The following MS4A13 variants were observed in gnomAD, a reference collection of about 807,000 sequenced individuals.
MS4A13 encodes membrane spanning 4-domains A13, also known as membrane-spanning 4-domains subfamily A member 13.
In MS4A13, 21 loss-of-function variants were observed where a neutral mutation model predicts 18.4. The ratio of observed to expected loss-of-function variants is 1.14; its 90% confidence interval spans 0.81 to 1.64. The LOEUF (loss-of-function observed/expected upper bound fraction) is 1.64. MS4A13 is among the 40% of genes most tolerant of loss of function. MS4A13 has a pLI of 0.00. For synonymous variants in MS4A13, 62 were observed against 57.2 expected, an observed-to-expected ratio of 1.08 and a Z score of -0.38; for missense variants, 173 against 176.8, an observed-to-expected ratio of 0.98 and a Z score of 0.12.
chr11:60,515,441 A>C lies in MS4A13; in HGVS notation c.-295A>C, dbSNP rs1436801177. 1 of 152,328 alleles carries C rather than the reference A, an allele frequency of 6.6e-6. No individual in the cohort carries two copies. The highest frequency in any genetic ancestry group is 2.1e-4 in the South Asian group (1 of 4,836). The allele number at this position is 152,328 out of a possible 1,614,324, so 9.4% of individuals were successfully genotyped here. ...CCGGCCGGGTGCTGGGCTCCTGGCT[A>C]TCCCTGTGATGGTAGCTCAGCGAGA... On this transcript the variant is annotated 5_prime_UTR_variant, in exon 1 of 7. Transcript: ENST00000378186.
chr11:60,522,265 CAT>C (rs1216678441), intron 3 of MS4A13, among the ~76,000 whole-genome samples: 3 of 62,350 alleles, frequency 4.8e-5, no homozygotes, highest in East Asian at 5.5e-4. Context: ...TATATACACA[CAT>C]ATATATGTAT....
At chr11:60,519,470 A>G (rs2086659412) in intron 3 of MS4A13, among the ~76,000 whole-genome samples, 2 of 151,742 alleles carry the variant, frequency 1.3e-5, no homozygotes, top group Admixed American at 1.3e-4. Flanking sequence ...ATGAGCTGAG[A>G]TTGAGTATGG....
intron 5 of MS4A13, among the ~76,000 whole-genome samples, chr11:60,527,777 A>C (rs1017130190): frequency 1.4e-4 from 22 of 152,136 alleles, no homozygotes; most frequent in African/African-American, 4.8e-4. Flanking sequence ...CAGAGGTTGC[A>C]GTGAGCCGAG....
intron 6 of MS4A13, among the ~76,000 whole-genome samples, chr11:60,542,090 A>C (rs2086863489): frequency 6.8e-6 from 1 of 147,922 alleles, no homozygotes; most frequent in African/African-American, 2.5e-5. Flanking sequence ...CCTGGGCGAC[A>C]TGACCTTGAA....
rs201155390 is a variant in MS4A13, at chr11:60,531,314, A to C, written c.402+1854A>C. 3.3e-5 allele frequency among the ~76,000 whole-genome samples: 5 copies of C among 152,332 alleles called. No homozygotes were observed. The East Asian group carries it at 9.7e-4, about 29-fold the overall frequency. On this transcript the variant is annotated intron_variant, in intron 6 of 6. Transcript: ENST00000378186. ...AAAAAATTTACTAGCAACCAACCAG[A>C]AACTCAACAGAGAAATTTGAAGAAC...
intron 3 of MS4A13, among the ~76,000 whole-genome samples, chr11:60,521,996 G>A (rs1405063551): frequency 1.3e-5 from 2 of 152,112 alleles, no homozygotes; most frequent in African/African-American, 4.8e-5. Flanking sequence ...AAGAGAGAGG[G>A]CTTGTGCAGG....
intron 3 of MS4A13, among the ~76,000 whole-genome samples, chr11:60,523,247 G>T (rs1355851352): frequency 2.0e-5 from 3 of 152,140 alleles, no homozygotes; most frequent in Non-Finnish European, 2.9e-5. Context: ...GATCTTTAGT[G>T]TCTTATCAAT....
At chr11:60,527,573 C>G (rs936990297) in intron 5 of MS4A13, among the ~76,000 whole-genome samples, 5 of 152,060 alleles carry the variant, frequency 3.3e-5, no homozygotes, top group African/African-American at 1.2e-4. Context: ...CGGTGGCTCA[C>G]GCCTGTAATC....
intron 4 of MS4A13, 38 bp from the exon 5 acceptor site, chr11:60,525,169 T>C: frequency 6.8e-7 from 1 of 1,473,548 alleles, no homozygotes; most frequent in Non-Finnish European, 9.4e-7. Context: ...AAATGTTTAT[T>C]CTGAATATAA....
intron 5 of MS4A13, among the ~76,000 whole-genome samples, chr11:60,527,992 C>T (rs2086732877): frequency 6.6e-6 from 1 of 152,080 alleles, no homozygotes; most frequent in African/African-American, 2.4e-5. Context: ...AAATTATTTA[C>T]CTTGGTATTT....
At chr11:60,529,685 G>A (rs2086750070) in intron 6 of MS4A13, among the ~76,000 whole-genome samples, 1 of 151,988 alleles carries the variant, frequency 6.6e-6, no homozygotes, top group Non-Finnish European at 1.5e-5. Flanking sequence ...AGTAAAAAGT[G>A]ATTTTTCTTT....
At chr11:60,515,919 G>A (rs772126045) in intron 1 of MS4A13, 50 bp from the exon 2 acceptor site, 5 of 152,104 alleles carry the variant, frequency 3.3e-5, no homozygotes, top group Non-Finnish European at 7.3e-5. Context: ...TCAAACTTAC[G>A]TATTTTCTTC....
chr11:60,540,110 G>T (rs1406516330), intron 6 of MS4A13, among the ~76,000 whole-genome samples: 1 of 152,176 alleles, frequency 6.6e-6, no homozygotes, highest in Admixed American at 6.5e-5. Flanking sequence ...AGCATTAATT[G>T]CATTGGGCTC....
Position 60,525,285 on chromosome 11 carries a change from T to C in MS4A13, c.265T>C (p.Ser89Pro). Residue 89 changes from serine to proline, a missense_variant, in exon 5 of 7, where the codon TCT (serine) becomes CCT (proline). Ser to Pro is a moderately conservative substitution (Grantham distance 74, BLOSUM62 -1). Transcript: ENST00000378186. The part of the protein sequence containing the change: ...TAVTLTIIEL[S>P]HFNSVSYRNY... The stretch of plus-strand genomic sequence containing the variant: ...AGTAACTCTAACAATAATAGAGTTG[T>C]CTCATTTTAATTCTGTGTCATACAG... The C allele has an allele frequency of 6.3e-7, 1 of 1,585,646 alleles. No individual in the cohort carries two copies. Among genetic ancestry groups the C allele is most frequent in the Non-Finnish European group, 8.6e-7 (1 of 1,156,750 alleles).
At chr11:60,538,055 A>T (rs1434256159) in intron 6 of MS4A13, among the ~76,000 whole-genome samples, 2 of 149,468 alleles carry the variant, frequency 1.3e-5, no homozygotes. Context: ...GAGGGATGGC[A>T]TTGGGAGATA....
rs776429344 is a variant in MS4A13, at chr11:60,518,200, A to G, written c.117A>G (p.Leu39=). ...EPVTYKTGCT[L]WGIFFIIAGV... ...TAACTTACAAAACAGGATGTACTTT[A>G]TGGGGAATTTTTGTGAGTAGAATAC... is the stretch of plus-strand genomic sequence containing the variant. The change falls in exon 3 of 7, where the codon TTA becomes TTG. Residue 39 remains leucine, a synonymous_variant. Coordinates refer to ENST00000378186, the MANE Select transcript of MS4A13 (RefSeq NM_001012417.3). The G allele has an allele frequency of 7.4e-5, 119 of 1,609,476 alleles. 1 individual carries two copies. The Admixed American group carries it at 2.0e-3, about 27-fold the overall frequency.
chr11:60,536,885 A>G (rs1465901801), intron 6 of MS4A13, among the ~76,000 whole-genome samples: 2 of 112,578 alleles, frequency 1.8e-5, no homozygotes, highest in Admixed American at 1.0e-4. Context: ...ATCTACAACT[A>G]TCTGATCTTT....
intron 5 of MS4A13, among the ~76,000 whole-genome samples, chr11:60,527,285 A>T (rs1388894236): frequency 3.3e-5 from 5 of 151,918 alleles, no homozygotes; most frequent in Non-Finnish European, 7.4e-5. Context: ...ACTTAAGGCA[A>T]AAAGGGTCAC....
intron 6 of MS4A13, among the ~76,000 whole-genome samples, chr11:60,540,439 A>G (rs2086848027): frequency 6.6e-6 from 1 of 152,226 alleles, no homozygotes; most frequent in Admixed American, 6.5e-5. Flanking sequence ...TATAGATAGA[A>G]TAGATGACAA....
Sources: gnomAD v4.1 joint callset for allele counts (sites outside exome capture counted in the v4.1 genomes callset) on GRCh38, gnomAD v4.1.1 for gene constraint, MANE v1.5 for transcripts, NCBI Gene and HGNC (gene_info 2026-07-23, HGNC 2026-07-21) for gene names.